Variants in HMCN1 observed in about 807,000 individuals in gnomAD.
The protein encoded by HMCN1 is hemicentin-1.
In HMCN1, 321 loss-of-function variants were observed where a neutral mutation model predicts 625.9. The ratio of observed to expected loss-of-function variants is 0.51; its 90% CI spans 0.47 to 0.56. The LOEUF (loss-of-function observed/expected upper bound fraction) is 0.56, where lower values mean the gene tolerates loss of function less well. Among genes scored for constraint, HMCN1 ranks in the 20% least tolerant of loss-of-function variants. The pLI, the probability that HMCN1 is intolerant of heterozygous loss-of-function variation, is 0.00. For synonymous variants in HMCN1, 2,425 were observed against 2,417.6 expected (o/e 1.00, Z -0.09); for missense variants, 6,588 against 6,887.3 (o/e 0.96, Z 1.54).
At chr1:185,810,604 TACA>T (rs368961360) in intron 1 of HMCN1, among the ~76,000 whole-genome samples, 109 of 152,264 alleles carry the variant, frequency 7.2e-4, no homozygotes, top group African/African-American at 2.5e-3. Context: ...TCAGTTTATG[TACA>T]ACATTAACTA....
At position 185,967,652 on chromosome 1, in the gene HMCN1, C is replaced by T. The variant is rs181828912; in HGVS notation, c.2212+1737C>T. 1.6e-3 allele frequency among the ~76,000 whole-genome samples: 250 copies of T among 152,002 alleles called. 2 individuals carry two copies. Among genetic ancestry groups the T allele is most frequent in the African/African-American group, 5.4e-3 (225 of 41,472 alleles). On this transcript the variant is annotated intron_variant, in intron 14 of 106. Coordinates refer to ENST00000271588, the MANE Select transcript of HMCN1 (RefSeq NM_031935.3). Reference sequence around the variant, plus strand: ...ACCAAGAGCAAATCTAGGGGACAAACTCCTGTGAATGCAAACTGGCCTCAA... The same window carrying T: ...ACCAAGAGCAAATCTAGGGGACAAATTCCTGTGAATGCAAACTGGCCTCAA...
At chr1:186,030,912 A>C (rs1395240933) in intron 36 of HMCN1, among the ~76,000 whole-genome samples, 1 of 151,872 alleles carries the variant, frequency 6.6e-6, no homozygotes, top group Non-Finnish European at 1.5e-5. Flanking sequence ...AGTATACAAA[A>C]ATTTTGTTCT....
At chr1:185,919,363 T>C (rs1386613088) in intron 6 of HMCN1, among the ~76,000 whole-genome samples, 16 of 152,194 alleles carry the variant, frequency 1.1e-4, no homozygotes, top group Admixed American at 1.0e-3. Context: ...TGATTATTTG[T>C]GTTGATTATA....
intron 71 of HMCN1, among the ~76,000 whole-genome samples, chr1:186,111,015 C>T (rs1404861347): frequency 9.1e-5 from 5 of 54,758 alleles, no homozygotes; most frequent in Non-Finnish European, 1.5e-4. Context: ...GAGTCTCGCT[C>T]TGTCGCCCAG....
chr1:185,911,912 C>A, intron 6 of HMCN1, 132 bp downstream of exon 6: 1 of 719,148 alleles, frequency 1.4e-6, no homozygotes, highest in Non-Finnish European at 2.5e-6. Flanking sequence ...AAGCAACGTA[C>A]ATAGGTGTTT....
chr1:185,858,706 C>T (rs970268201), intron 2 of HMCN1, among the ~76,000 whole-genome samples: 9 of 138,560 alleles, frequency 6.5e-5, no homozygotes, highest in Non-Finnish European at 9.1e-5. Flanking sequence ...CCTCTTTGGC[C>T]TTCCAAACTG....
At chr1:186,139,392 T>A (rs1649811867) in intron 89 of HMCN1, among the ~76,000 whole-genome samples, 1 of 152,214 alleles carries the variant, frequency 6.6e-6, no homozygotes, top group East Asian at 1.9e-4. Context: ...GTAATAACAT[T>A]ATGTTCTAAA....
At chr1:186,174,880 C>T (rs1652464356) in intron 103 of HMCN1, among the ~76,000 whole-genome samples, 1 of 152,156 alleles carries the variant, frequency 6.6e-6, no homozygotes, top group East Asian at 1.9e-4. Flanking sequence ...TTGCTATACA[C>T]CACACATATC....
chr1:186,144,426 C>T (rs1650156016), intron 90 of HMCN1, 83 bp downstream of exon 90: 2 of 1,598,936 alleles, frequency 1.3e-6, no homozygotes, highest in South Asian at 1.1e-5. Flanking sequence ...GAATCTATCC[C>T]ATTCTAACTG....
chr1:185,928,634 A>G lies in HMCN1; in HGVS notation c.1519A>G (p.Thr507Ala). ...YECIAVSSAGTGRAQTFFDVS... is the reference protein window; with the variant it reads ...YECIAVSSAGAGRAQTFFDVS... The stretch of plus-strand genomic sequence containing the variant: ...ATGCATTGCTGTCAGCAGTGCAGGT[A>G]CTGGACGGGCACAGACATTTTTTGA... Residue 507 changes from threonine (T) to alanine (A), a missense_variant, in exon 10 of 107, where the codon ACT becomes GCT. Thr to Ala is a moderately conservative substitution (Grantham distance 58, BLOSUM62 0). This residue lies in a region of HMCN1 where 4,628 missense variants were observed against 4,853.1 expected (regional missense o/e 0.95). Transcript: ENST00000271588. 6.2e-7 allele frequency: 1 copy of G among 1,613,646 alleles called. No homozygotes were observed. Among genetic ancestry groups the G allele is most frequent in the Non-Finnish European group, 8.5e-7 (1 of 1,179,572 alleles).
chr1:185,831,368 A>G (rs1319838222), intron 1 of HMCN1, among the ~76,000 whole-genome samples: 1 of 152,200 alleles, frequency 6.6e-6, no homozygotes, highest in Non-Finnish European at 1.5e-5. Context: ...CCCCAAATCT[A>G]TTAACAGGGA....
chr1:185,894,723 T>G (rs2102420169), intron 4 of HMCN1, among the ~76,000 whole-genome samples: 1 of 152,366 alleles, frequency 6.6e-6, no homozygotes, highest in African/African-American at 2.4e-5. Context: ...ATTTATTTTT[T>G]TTGTATAGGT....
At chr1:185,783,295 C>T (rs922425296) in intron 1 of HMCN1, among the ~76,000 whole-genome samples, 19 of 152,270 alleles carry the variant, frequency 1.2e-4, no homozygotes, top group Middle Eastern at 3.4e-3. Context: ...GTTCAAAGTT[C>T]GTCCTTTAGC....
At chr1:185,961,917 T>C (rs1012844628) in intron 11 of HMCN1, among the ~76,000 whole-genome samples, 4 of 152,200 alleles carry the variant, frequency 2.6e-5, no homozygotes, top group African/African-American at 9.6e-5. Context: ...AGAGCCAAGT[T>C]ACAGTTTAGG....
chr1:186,123,087 T>A lies in HMCN1; in HGVS notation c.12366T>A (p.Ser4122=). Residue 4122 remains serine, a synonymous_variant, in exon 81 of 107, where the codon TCT becomes TCA. Coordinates refer to ENST00000271588, the MANE Select transcript of HMCN1 (RefSeq NM_031935.3). ...AAGATGGGCGTGCAATTGTGGAATC[T>A]ATCCGCCAGCGCGTCCTCAGCTCTG... ...WHKDGRAIVE[S]IRQRVLSSGS... is the part of the protein sequence containing the mutation. 6.2e-7 allele frequency: 1 copy of A among 1,614,174 alleles called. No individual in the cohort carries two copies. The highest frequency in any genetic ancestry group is 8.5e-7 in the Non-Finnish European group (1 of 1,180,010).
chr1:186,160,723 A>G (rs1189388153), intron 97 of HMCN1, among the ~76,000 whole-genome samples: 3 of 151,962 alleles, frequency 2.0e-5, no homozygotes, highest in African/African-American at 7.3e-5. Context: ...CCATGTAGTT[A>G]AGCAGTTTTG....
chr1:186,074,402 A>G (rs974337408), intron 52 of HMCN1, among the ~76,000 whole-genome samples: 14 of 151,952 alleles, frequency 9.2e-5, no homozygotes, highest in Admixed American at 1.3e-4. Flanking sequence ...TTTAAATATT[A>G]TATGAGATCA....
chr1:185,984,433 CCTATTTCTTGAACAATAT>C, intron 19 of HMCN1, 120 bp downstream of exon 19: 1 of 1,022,252 alleles, frequency 9.8e-7, no homozygotes, highest in Non-Finnish European at 1.5e-6. Context: ...ATTGTTATTT[CCTATTTCTTGAACAATAT>C]CTACATTGTT....
At chr1:186,000,000 C>T (rs918059993) in intron 25 of HMCN1, 45 bp from the exon 26 acceptor site, 1 of 1,331,576 alleles carries the variant, frequency 7.5e-7, no homozygotes, top group South Asian at 1.2e-5. Context: ...TTAATAATTT[C>T]TGTTTTTGTT....
Sources: allele counts gnomAD v4.1 joint callset (sites outside exome capture counted in the v4.1 genomes callset), GRCh38; gene constraint gnomAD v4.1.1; regional missense constraint gnomAD v4.1.1; transcripts MANE v1.5; gene names NCBI Gene and HGNC (gene_info 2026-07-23, HGNC 2026-07-21).